Variants in KCNQ1 observed in about 807,000 individuals in gnomAD.
KCNQ1 encodes potassium voltage-gated channel subfamily Q member 1.
Under a neutral mutation model 72.4 loss-of-function variants are expected in KCNQ1, and 49 were observed. The ratio of observed to expected loss-of-function variants is 0.68; its 90% CI spans 0.54 to 0.86. KCNQ1 has a LOEUF of 0.86. KCNQ1 is among the 40% of genes least tolerant of loss of function. KCNQ1 has a pLI of 0.00. For synonymous variants in KCNQ1, 450 were observed against 412.6 expected, an observed-to-expected ratio of 1.09 and a Z score of -1.10; for missense variants, 790 against 945.1, an observed-to-expected ratio of 0.84 and a Z score of 2.15.
intron 1 of KCNQ1, among the ~76,000 whole-genome samples, chr11:2,524,748 C>A (rs1313718235): frequency 1.3e-5 from 2 of 152,204 alleles, no homozygotes; most frequent in Non-Finnish European, 2.9e-5. Flanking sequence ...GGTGACACTT[C>A]CCTCCACAGC....
intron 1 of KCNQ1, among the ~76,000 whole-genome samples, chr11:2,513,797 C>T (rs895180931): frequency 1.3e-5 from 2 of 152,368 alleles, no homozygotes; most frequent in Middle Eastern, 3.4e-3. Context: ...TGGGCCTCCA[C>T]CTCTGAGAAG....
At position 2,827,782 on chromosome 11, in the gene KCNQ1, G is replaced by A. The variant is rs1055528890; in HGVS notation, c.1795-19985G>A. Among the ~76,000 whole-genome samples, 1 of 152,186 alleles carries A rather than the reference G, an allele frequency of 6.6e-6. No homozygotes were observed. Among genetic ancestry groups the A allele is most frequent in the Non-Finnish European group, 1.5e-5 (1 of 68,026 alleles). ...GGAGGAAATGGGGGTACACTTCAGC[G>A]GCTCAGGCCAGGGTGTAAGTAGCAG... On this transcript the variant is annotated intron_variant, in intron 15 of 15. Transcript: ENST00000155840. This position sits in a 1 kb window ranked among gnomAD's most constrained non-coding sequence, Gnocchi z 6.7.
intron 11 of KCNQ1, among the ~76,000 whole-genome samples, chr11:2,705,258 G>T (rs539170940): frequency 1.3e-5 from 2 of 152,216 alleles, no homozygotes; most frequent in Non-Finnish European, 1.5e-5. Flanking sequence ...CCAGACGGGT[G>T]GGGGGTCTGG....
chr11:2,667,611 A>G (rs965878267), intron 11 of KCNQ1: 4 of 398,506 alleles, frequency 1.0e-5, no homozygotes, highest in Non-Finnish European at 1.3e-5. Context: ...GGCACATCCC[A>G]TATAGATCTC....
chr11:2,573,762 G>A (rs1848376710), intron 6 of KCNQ1, among the ~76,000 whole-genome samples: 1 of 152,240 alleles, frequency 6.6e-6, no homozygotes, highest in South Asian at 2.1e-4. Context: ...TGCGGGAGGG[G>A]TGGGGCAGGG....
chr11:2,560,893 G>A (rs535704588), intron 2 of KCNQ1, among the ~76,000 whole-genome samples: 5 of 152,188 alleles, frequency 3.3e-5, no homozygotes, highest in African/African-American at 1.2e-4. Context: ...TTCACTGCAG[G>A]GAGAGTGAGG....
intron 15 of KCNQ1, among the ~76,000 whole-genome samples, chr11:2,820,315 CAA>C (rs1420031685): frequency 1.3e-5 from 2 of 152,190 alleles, no homozygotes; most frequent in Non-Finnish European, 2.9e-5. Flanking sequence ...TCTCTTTAAT[CAA>C]AGAGTTATTT....
intron 15 of KCNQ1, among the ~76,000 whole-genome samples, chr11:2,788,748 G>A (rs1334985058): frequency 6.6e-6 from 1 of 152,194 alleles, no homozygotes; most frequent in African/African-American, 2.4e-5. Flanking sequence ...CCGTCTTAGT[G>A]GATGGCGGAG....
chr11:2,800,939 C>G (rs1847250762), intron 15 of KCNQ1, among the ~76,000 whole-genome samples: 1 of 152,070 alleles, frequency 6.6e-6, no homozygotes, highest in Non-Finnish European at 1.5e-5. Context: ...GTCTCAGAGC[C>G]CATTCTAGAG....
intron 15 of KCNQ1, among the ~76,000 whole-genome samples, chr11:2,791,273 A>G (rs1237675234): frequency 6.6e-6 from 1 of 152,116 alleles, no homozygotes; most frequent in Non-Finnish European, 1.5e-5. Flanking sequence ...GCGGATCTAT[A>G]ATCGACAGCA....
intron 10 of KCNQ1, chr11:2,616,611 T>G (rs566073831): frequency 5.0e-6 from 2 of 398,146 alleles, no homozygotes; most frequent in Admixed American, 8.8e-5. Flanking sequence ...TTGAAAGTAT[T>G]TTATAATTTC....
chr11:2,494,095 T>G lies in KCNQ1; in HGVS notation c.387-33833T>G, dbSNP rs1290540256. 1.3e-5 allele frequency among the ~76,000 whole-genome samples: 2 copies of G among 152,186 alleles called. No individual in the cohort carries two copies. Among genetic ancestry groups the G allele is most frequent in the Non-Finnish European group, 2.9e-5 (2 of 68,016 alleles). ...GTAAGTTGTATTCCTAGGTATTTTC[T>G]TCTCTTTGTAGCAATTATGAATGGG... On this transcript the variant is annotated intron_variant, in intron 1 of 15. Coordinates refer to ENST00000155840, the MANE Select transcript of KCNQ1 (RefSeq NM_000218.3). This position sits in a 1 kb window ranked among gnomAD's most constrained non-coding sequence, Gnocchi z 4.6.
At chr11:2,454,870 C>T (rs2133572477) in intron 1 of KCNQ1, among the ~76,000 whole-genome samples, 1 of 152,058 alleles carries the variant, frequency 6.6e-6, no homozygotes, top group East Asian at 1.9e-4. Context: ...GACAAGGATG[C>T]CCACTTTCAC....
chr11:2,587,802 C>A, intron 9 of KCNQ1, 110 bp downstream of exon 9: 1 of 1,475,898 alleles, frequency 6.8e-7, no homozygotes, highest in Non-Finnish European at 9.4e-7. Context: ...CTTGGTACAG[C>A]CTGTGTCAGG....
chr11:2,848,689 T>C lies in KCNQ1; in HGVS notation c.*686T>C. ...CCTGGGTTAGACTGCCAGCTCTTCC[T>C]AGCTGGAGAGGAGCCCTGCCTCTCC... is the stretch of plus-strand genomic sequence containing the variant. On this transcript the variant is annotated 3_prime_UTR_variant, in exon 16 of 16. Transcript: ENST00000155840. The C allele has an allele frequency of 4.4e-6, 2 of 450,342 alleles. No homozygotes were observed. The highest frequency in any genetic ancestry group is 3.1e-5 in the South Asian group (2 of 64,432). 27.9% of individuals were successfully genotyped at this position (450,342 alleles called of 1,614,324 possible).
intron 15 of KCNQ1, among the ~76,000 whole-genome samples, chr11:2,843,056 T>C (rs1393091006): frequency 2.0e-5 from 3 of 152,192 alleles, no homozygotes; most frequent in Non-Finnish European, 2.9e-5. Flanking sequence ...CCCAAGGCCC[T>C]GCAGCAGTGT....
At chr11:2,461,306 C>A (rs1846273865) in intron 1 of KCNQ1, 1 of 769,816 alleles carries the variant, frequency 1.3e-6, no homozygotes, top group Non-Finnish European at 1.8e-6. Context: ...CAGGCCGCCT[C>A]GCAGCAGATT....
rs1564811871 is a variant in KCNQ1, at chr11:2,544,244, G to GTATATATATA, written c.477+16227_477+16228insATATATATAT. Reference sequence around the variant, plus strand: ...CTATCTCATATATATATATGTGTGTGTGTGTATATATATATGTGTGTGTGT... The same window carrying GTATATATATA: ...CTATCTCATATATATATATGTGTGTGTATATATATATGTGTATATATATATGTGTGTGTGT... On this transcript the variant is annotated intron_variant, in intron 2 of 15. Coordinates refer to ENST00000155840, the MANE Select transcript of KCNQ1 (RefSeq NM_000218.3). This position sits in a 1 kb window ranked among gnomAD's most constrained non-coding sequence, Gnocchi z 4.4. Among the ~76,000 whole-genome samples the GTATATATATA allele has an allele frequency of 6.9e-6, 1 of 145,896 alleles. No individual in the cohort carries two copies. Among genetic ancestry groups the GTATATATATA allele is most frequent in the African/African-American group, 2.6e-5 (1 of 37,882 alleles).
intron 15 of KCNQ1, among the ~76,000 whole-genome samples, chr11:2,811,178 C>G (rs1225162089): frequency 6.6e-6 from 1 of 152,194 alleles, no homozygotes; most frequent in Non-Finnish European, 1.5e-5. Context: ...GTACAGCTAC[C>G]CCAATCCAAA....
Sources: gnomAD v4.1 joint callset for allele counts (sites outside exome capture counted in the v4.1 genomes callset) on GRCh38, gnomAD v4.1.1 for gene constraint, Gnocchi (gnomAD v3.1) non-coding constraint, MANE v1.5 for transcripts, NCBI Gene and HGNC (gene_info 2026-07-23, HGNC 2026-07-21) for gene names.